Variants in BAZ2B observed in about 807,000 individuals in gnomAD.
BAZ2B encodes bromodomain adjacent to zinc finger domain 2B.
BAZ2B carries 91 observed loss-of-function variants against 246.0 expected under a neutral mutation model. The observed-to-expected ratio is 0.37, with a 90% CI of 0.31 to 0.44. The LOEUF is 0.44. Among genes scored for constraint, BAZ2B ranks in the 20% least tolerant of loss-of-function variants. BAZ2B has a pLI of 1.00. For missense variants in BAZ2B, 2,332 were observed against 2,533.7 expected (o/e 0.92, Z 1.71); for synonymous variants, 855 against 860.0 (o/e 0.99, Z 0.10).
At chr2:159,396,833 T>C (rs1309077191) in intron 19 of BAZ2B, among the ~76,000 whole-genome samples, 1 of 152,092 alleles carries the variant, frequency 6.6e-6, no homozygotes, top group African/African-American at 2.4e-5. Context: ...ACATCAGTAA[T>C]GTAAATTTTT....
At chr2:159,501,206 T>TA (rs2081761412) in intron 2 of BAZ2B, among the ~76,000 whole-genome samples, 1 of 106,914 alleles carries the variant, frequency 9.4e-6, no homozygotes, top group Non-Finnish European at 1.9e-5. Context: ...TATATATTTT[T>TA]ATATATATTA....
rs1344829292 is a variant in BAZ2B at position 159,325,117 on chromosome 2, T to TTA, written c.6210-165_6210-164dup. On this transcript the variant is annotated intron_variant, in intron 35 of 36. Coordinates refer to ENST00000392783, the MANE Select transcript of BAZ2B (RefSeq NM_013450.4). ...TTATATATATATATATATATATATT[T>TTA]TATATATATATATATATATATATAT... Among the ~76,000 whole-genome samples, 28 of 3,388 alleles carry TTA rather than the reference T, an allele frequency of 8.3e-3. 1 individual carries two copies. Among genetic ancestry groups the TTA allele is most frequent in the African/African-American group, 0.018 (28 of 1,526 alleles). 2.2% of individuals were successfully genotyped at this position (3,388 alleles called of 152,430 possible).
chr2:159,347,698 A>C, intron 30 of BAZ2B, 52 bp from the exon 31 acceptor site: 1 of 1,419,642 alleles, frequency 7.0e-7, no homozygotes, highest in Non-Finnish European at 9.6e-7. Context: ...GCTTTTCCCC[A>C]CAGAGACCTC....
intron 22 of BAZ2B, among the ~76,000 whole-genome samples, chr2:159,385,667 A>G (rs369693103): frequency 1.3e-5 from 2 of 152,264 alleles, no homozygotes; most frequent in East Asian, 3.9e-4. Flanking sequence ...TGACTATAAA[A>G]GCGACACCAA....
Position 159,448,242 on chromosome 2 carries a change from C to A in BAZ2B, c.502G>T (p.Gly168Cys). 6.2e-7 allele frequency: 1 copy of A among 1,610,148 alleles called. No homozygotes were observed. Among genetic ancestry groups the A allele is most frequent in the Non-Finnish European group, 8.5e-7 (1 of 1,178,766 alleles). Residue 168 changes from glycine (G) to cysteine (C), a missense_variant and splice_region_variant, in exon 5 of 37, where the codon GGT (glycine) becomes TGT (cysteine). Physicochemically the swap from Gly to Cys is radical, Grantham distance 159 (BLOSUM62 -3). Coordinates refer to ENST00000392783, the MANE Select transcript of BAZ2B (RefSeq NM_013450.4). Reference protein sequence around the residue: ...GKSNRNGPEKGVNGSINGSNT... With the variant: ...GKSNRNGPEKCVNGSINGSNT... The stretch of plus-strand genomic sequence containing the variant: ...ACTTCACTTATGTAAATGTGGATAC[C>A]TTTTTCGGGACCATTTCGATTACTT...
chr2:159,711,411 T>C, the BAZ2B span, among the ~76,000 whole-genome samples: 4 of 152,300 alleles, frequency 2.6e-5, no homozygotes, highest in Admixed American at 6.5e-5. Flanking sequence ...TACAGTCTGT[T>C]AGTCCCCAAG....
At chr2:159,651,127 G>T in the BAZ2B span, among the ~76,000 whole-genome samples, 1 of 152,024 alleles carries the variant, frequency 6.6e-6, no homozygotes, top group Non-Finnish European at 1.5e-5. Flanking sequence ...CCTCACTTAT[G>T]TGGGGAATCA....
intron 2 of BAZ2B, among the ~76,000 whole-genome samples, chr2:159,521,195 C>A (rs2084089298): frequency 6.6e-6 from 1 of 151,818 alleles, no homozygotes; most frequent in Non-Finnish European, 1.5e-5. Flanking sequence ...TCATTCTGTT[C>A]ATTAAAAAAG....
intron 1 of BAZ2B, among the ~76,000 whole-genome samples, chr2:159,576,912 C>CAAA (rs34337483): frequency 0.034 from 1,726 of 50,176 alleles, 120 homozygotes; most frequent in African/African-American, 0.1. Context: ...GACTGTGTCT[C>CAAA]AAAAAAAAAA....
At chr2:159,533,645 A>C (rs1029276165) in intron 2 of BAZ2B, among the ~76,000 whole-genome samples, 5 of 152,198 alleles carry the variant, frequency 3.3e-5, no homozygotes, top group Non-Finnish European at 7.4e-5. Context: ...AAGAAGAAGA[A>C]AGATTTTCAC....
At chr2:159,558,381 C>T (rs993383956) in intron 1 of BAZ2B, among the ~76,000 whole-genome samples, 2 of 152,116 alleles carry the variant, frequency 1.3e-5, no homozygotes, top group Non-Finnish European at 2.9e-5. Flanking sequence ...CTCAGCCTTC[C>T]GAGTAGCTGG....
At position 159,405,073 on chromosome 2, in the gene BAZ2B, G is replaced by A; in HGVS notation, c.2719C>T (p.Leu907Phe). Residue 907 changes from leucine to phenylalanine, a missense_variant, in exon 15 of 37, where the codon CTT becomes TTT. Physicochemically the swap from Leu to Phe is conservative, Grantham distance 22. This residue lies in a region of BAZ2B where 651 missense variants were observed against 650.9 expected (regional missense o/e 1.00). Transcript: ENST00000392783. ...QAAQIKLLRK[L>F]QKQEQARVAK... ...ACCCGAGCCTGTTCCTGCTTTTGAAGTTTTCTCAAAAGCTTTATTTGTGCT... is the reference window on the plus strand; with the variant it reads ...ACCCGAGCCTGTTCCTGCTTTTGAAATTTTCTCAAAAGCTTTATTTGTGCT... 1.2e-6 allele frequency: 2 copies of A among 1,613,974 alleles called. No homozygotes were observed. The highest frequency in any genetic ancestry group is 8.5e-7 in the Non-Finnish European group (1 of 1,179,954).
Position 159,439,163 on chromosome 2 carries a change from G to A in BAZ2B, c.746C>T (p.Ser249Leu). ...ACTTGAGGTGTCTGATGATGTGCCT[G>A]AATCACTATCACTGTTGCTAGAACT... ...MESSSNSDSD[S>L]GTSSDTSSEG... Residue 249 changes from serine (S) to leucine (L), a missense_variant, in exon 7 of 37, where the codon TCA (serine) becomes TTA (leucine). Physicochemically the swap from Ser to Leu is moderately radical, Grantham distance 145 (BLOSUM62 -2). This residue lies in a region of BAZ2B where 161 missense variants were observed against 225.8 expected (regional missense o/e 0.71). Transcript: ENST00000392783. 6.2e-7 allele frequency: 1 copy of A among 1,613,986 alleles called. No individual in the cohort carries two copies. Among genetic ancestry groups the A allele is most frequent in the Non-Finnish European group, 8.5e-7 (1 of 1,179,932 alleles).
the BAZ2B span, among the ~76,000 whole-genome samples, chr2:159,655,622 A>G: frequency 6.6e-6 from 1 of 152,088 alleles, no homozygotes; most frequent in African/African-American, 2.4e-5. Context: ...TCATACTGGG[A>G]TGCCCATTAC....
chr2:159,580,243 G>A (rs1373907530), intron 1 of BAZ2B, among the ~76,000 whole-genome samples: 3 of 152,126 alleles, frequency 2.0e-5, no homozygotes, highest in African/African-American at 7.2e-5. Flanking sequence ...AAATCAATGT[G>A]CAAAAATCAC....
chr2:159,485,629 A>G (rs1303736452), intron 2 of BAZ2B, among the ~76,000 whole-genome samples: 1 of 152,120 alleles, frequency 6.6e-6, no homozygotes, highest in Non-Finnish European at 1.5e-5. Context: ...TACCTAAAAA[A>G]TTATGAGATT....
the BAZ2B span, among the ~76,000 whole-genome samples, chr2:159,667,286 T>C: frequency 1.3e-5 from 2 of 152,014 alleles, no homozygotes; most frequent in Non-Finnish European, 1.5e-5. Flanking sequence ...CAGTCAATTA[T>C]ATCAACAATT....
chr2:159,467,494 A>G (rs73967882), intron 3 of BAZ2B, among the ~76,000 whole-genome samples: 4,489 of 152,252 alleles, frequency 0.029, 232 homozygotes, highest in African/African-American at 0.097. Context: ...CCCAGCACCA[A>G]TAAAAATCCC....
At chr2:159,646,706 T>C in the BAZ2B span, among the ~76,000 whole-genome samples, 1 of 152,126 alleles carries the variant, frequency 6.6e-6, no homozygotes, top group African/African-American at 2.4e-5. Flanking sequence ...GTCCCTGACT[T>C]CCTGCAACAC....
Sources: gnomAD v4.1 joint callset for allele counts (sites outside exome capture counted in the v4.1 genomes callset) on GRCh38, gnomAD v4.1.1 for gene constraint, gnomAD v4.1.1 regional missense constraint, MANE v1.5 for transcripts, NCBI Gene and HGNC (gene_info 2026-07-23, HGNC 2026-07-21) for gene names.